The following LAMA2 variants were observed in gnomAD, a reference collection of about 807,000 sequenced individuals.
LAMA2 encodes the protein laminin subunit alpha-2.
A neutral mutation model predicts 364.8 loss-of-function variants in LAMA2; 269 were observed. That is an observed-to-expected ratio of 0.74 (90% confidence interval 0.67 to 0.82). The LOEUF (loss-of-function observed/expected upper bound fraction) is 0.82, where lower values mean the gene tolerates loss of function less well. Ranked by LOEUF, LAMA2 falls within the 40% of genes least tolerant of loss-of-function variation. LAMA2 has a pLI of 0.00. For missense variants in LAMA2, 3,807 were observed against 3,873.2 expected, an observed-to-expected ratio of 0.98 and a Z score of 0.45; for synonymous variants, 1,379 against 1,370.6, an observed-to-expected ratio of 1.01 and a Z score of -0.14.
intron 1 of LAMA2, among the ~76,000 whole-genome samples, chr6:128,891,265 G>C (rs999306520): frequency 2.6e-5 from 4 of 152,072 alleles, no homozygotes; most frequent in African/African-American, 9.7e-5. Context: ...CCATCCAGTA[G>C]CTATACTGTT....
chr6:129,261,465 A>G (rs1247413634), intron 15 of LAMA2, among the ~76,000 whole-genome samples: 1 of 152,088 alleles, frequency 6.6e-6, no homozygotes, highest in Non-Finnish European at 1.5e-5. Context: ...AACAATTTTT[A>G]TTTGCTTCTG....
intron 12 of LAMA2, among the ~76,000 whole-genome samples, chr6:129,203,764 T>C (rs1007437656): frequency 1.8e-4 from 28 of 152,196 alleles, no homozygotes; most frequent in African/African-American, 6.8e-4. Context: ...TTTATGCGTT[T>C]CACAGACCTG....
intron 4 of LAMA2, among the ~76,000 whole-genome samples, chr6:129,109,832 G>A (rs1035242729): frequency 1.3e-5 from 2 of 151,712 alleles, no homozygotes; most frequent in African/African-American, 4.8e-5. Flanking sequence ...ATTATTAATT[G>A]ACTACTCAGG....
intron 53 of LAMA2, among the ~76,000 whole-genome samples, chr6:129,478,000 G>C: frequency 1.2e-5 from 1 of 86,932 alleles, no homozygotes; most frequent in Non-Finnish European, 3.1e-5. Flanking sequence ...GTTGCCTCAG[G>C]CTGGTCTTGT....
intron 56 of LAMA2, among the ~76,000 whole-genome samples, chr6:129,491,569 T>A (rs1784865461): frequency 6.6e-6 from 1 of 152,194 alleles, no homozygotes; most frequent in Non-Finnish European, 1.5e-5. Context: ...TGCCAACCCT[T>A]ATACGGTTAG....
rs115488209 is a variant in LAMA2 at position 129,485,469 on chromosome 6, A to G, written c.7750-1005A>G. 7.2e-3 allele frequency among the ~76,000 whole-genome samples: 1,101 copies of G among 152,364 alleles called. 14 individuals are homozygous for G. Among genetic ancestry groups the G allele is most frequent in the African/African-American group, 0.025 (1,047 of 41,588 alleles). On this transcript the variant is annotated intron_variant, in intron 55 of 64. Transcript: ENST00000421865. ...TCTGAAGGAGGAACCAATGTTAAAT[A>G]GTATAAGTCTGTTAGACATAATTAG...
At chr6:129,226,392 T>C (rs1184974524) in intron 12 of LAMA2, among the ~76,000 whole-genome samples, 4 of 152,238 alleles carry the variant, frequency 2.6e-5, no homozygotes, top group Non-Finnish European at 4.4e-5. Context: ...AGCTGGTTAT[T>C]TTGCTCGTTA....
At chr6:129,308,960 A>G (rs192936864) in intron 22 of LAMA2, among the ~76,000 whole-genome samples, 1 of 152,208 alleles carries the variant, frequency 6.6e-6, no homozygotes, top group African/African-American at 2.4e-5. Context: ...CATGATCCAA[A>G]CACCTCCCAC....
At chr6:129,374,668 C>T (rs1297590728) in intron 34 of LAMA2, among the ~76,000 whole-genome samples, 2 of 151,904 alleles carry the variant, frequency 1.3e-5, no homozygotes. Flanking sequence ...ACCTCCACCT[C>T]CTAGGTTCAA....
chr6:129,316,154 T>G lies in LAMA2; in HGVS notation c.4041T>G (p.Asn1347Lys). The change falls in exon 27 of 65, where the codon AAT becomes AAG. Residue 1347 changes from asparagine (N) to lysine (K), a missense_variant. Physicochemically the swap from Asn to Lys is moderately conservative, Grantham distance 94 (BLOSUM62 0). Transcript: ENST00000421865. Reference sequence around the variant, plus strand: ...TTCTTATCAAAGCTACTTATGGAAATTTCATGCGACAAAGCAGGTAAACTC... The same window carrying G: ...TTCTTATCAAAGCTACTTATGGAAAGTTCATGCGACAAAGCAGGTAAACTC... Reference protein sequence around the residue: ...HYILIKATYGNFMRQSRISEI... With the variant: ...HYILIKATYGKFMRQSRISEI... The G allele has an allele frequency of 6.2e-7, 1 of 1,607,112 alleles. No homozygotes were observed. Among genetic ancestry groups the G allele is most frequent in the African/African-American group, 1.3e-5 (1 of 74,846 alleles).
intron 29 of LAMA2, among the ~76,000 whole-genome samples, chr6:129,339,940 T>G (rs550922093): frequency 3.4e-4 from 52 of 151,546 alleles, no homozygotes; most frequent in African/African-American, 1.3e-3. Context: ...GAGGCAGAGG[T>G]TGCAGTGAGC....
At chr6:129,344,706 C>T (rs751930437) in intron 30 of LAMA2, among the ~76,000 whole-genome samples, 3 of 152,072 alleles carry the variant, frequency 2.0e-5, no homozygotes, top group Non-Finnish European at 4.4e-5. Flanking sequence ...AAAGAAGAGC[C>T]AAGGCAGGAG....
chr6:129,469,822 T>C (rs745427507), intron 51 of LAMA2, among the ~76,000 whole-genome samples: 2 of 151,846 alleles, frequency 1.3e-5, no homozygotes, highest in South Asian at 2.1e-4. Context: ...AATATCCAAA[T>C]AGGCAGACAA....
chr6:129,107,732 G>C (rs564912035), intron 4 of LAMA2, among the ~76,000 whole-genome samples: 1 of 152,270 alleles, frequency 6.6e-6, no homozygotes, highest in Non-Finnish European at 1.5e-5. Context: ...GCATTTTACA[G>C]TTGAGAAACA....
chr6:129,048,971 G>A (rs924987184), intron 1 of LAMA2, among the ~76,000 whole-genome samples: 1 of 152,026 alleles, frequency 6.6e-6, no homozygotes, highest in African/African-American at 2.4e-5. Flanking sequence ...CACATATATA[G>A]AGCTGAAACA....
At chr6:128,916,396 G>C (rs1778318028) in intron 1 of LAMA2, among the ~76,000 whole-genome samples, 1 of 152,092 alleles carries the variant, frequency 6.6e-6, no homozygotes, top group African/African-American at 2.4e-5. Flanking sequence ...CCAACTGTAG[G>C]TACTAGTTTT....
chr6:129,284,400 AT>A (rs1379614885), intron 18 of LAMA2, among the ~76,000 whole-genome samples: 2 of 152,082 alleles, frequency 1.3e-5, no homozygotes, highest in Admixed American at 1.3e-4. Context: ...CCATAATAGC[AT>A]TTGCATATCT....
chr6:129,320,772 A>G (rs1774916853), intron 28 of LAMA2, 117 bp downstream of exon 28: 1 of 706,270 alleles, frequency 1.4e-6, no homozygotes, highest in Non-Finnish European at 2.6e-6. Flanking sequence ...TTAATCTTCC[A>G]CTCACAGTGT....
chr6:129,487,699 T>TTTA (rs922359895), intron 56 of LAMA2, among the ~76,000 whole-genome samples: 4 of 152,028 alleles, frequency 2.6e-5, no homozygotes, highest in East Asian at 3.9e-4. Context: ...TTCCTCAGTT[T>TTTA]TTATTATTAT....
Sources: allele counts gnomAD v4.1 joint callset (sites outside exome capture counted in the v4.1 genomes callset), GRCh38; gene constraint gnomAD v4.1.1; transcripts MANE v1.5; gene names NCBI Gene and HGNC (gene_info 2026-07-23, HGNC 2026-07-21).